Variants in CAMTA1 observed in about 807,000 individuals in gnomAD.
CAMTA1 encodes calmodulin-binding transcription activator 1.
CAMTA1 carries 27 observed loss-of-function variants against 170.9 expected under a neutral mutation model. The observed-to-expected ratio is 0.16, with a 90% CI of 0.12 to 0.22. CAMTA1 has a LOEUF of 0.22. Among genes scored for constraint, CAMTA1 ranks in the 10% least tolerant of loss-of-function variants. The pLI, the probability that CAMTA1 is intolerant of heterozygous loss-of-function variation, is 1.00. For missense variants in CAMTA1, 1,619 were observed against 2,217.2 expected (o/e 0.73, Z 5.42); for synonymous variants, 833 against 891.5 (o/e 0.93, Z 1.17).
At chr1:6,860,317 T>C (rs1664191810) in intron 3 of CAMTA1, among the ~76,000 whole-genome samples, 1 of 152,230 alleles carries the variant, frequency 6.6e-6, no homozygotes, top group Non-Finnish European at 1.5e-5. Flanking sequence ...AGATGTTTAA[T>C]ATAGCTGAAC....
intron 5 of CAMTA1, among the ~76,000 whole-genome samples, chr1:7,393,054 T>TAAAAAAAAAAAAAAAAA (rs34475514): frequency 6.9e-6 from 1 of 144,968 alleles, no homozygotes; most frequent in Non-Finnish European, 1.5e-5. Context: ...CTATATCTCT[T>TAAAAAAAAAAAAAAAAA]AAAAAAAAAA....
At chr1:7,734,598 G>A (rs1226720502) in intron 12 of CAMTA1, among the ~76,000 whole-genome samples, 1 of 152,082 alleles carries the variant, frequency 6.6e-6, no homozygotes, top group Non-Finnish European at 1.5e-5. Flanking sequence ...GCTCATGAAT[G>A]TGTCTTGTGT....
At chr1:7,579,574 T>G (rs1182946682) in intron 6 of CAMTA1, among the ~76,000 whole-genome samples, 2 of 135,042 alleles carry the variant, frequency 1.5e-5, no homozygotes, top group Middle Eastern at 3.5e-3. Flanking sequence ...TTTTTTTTTT[T>G]TTTGAGATAG....
chr1:7,748,386 C>CA lies in CAMTA1; in HGVS notation c.4689+614dup, dbSNP rs1052954119. Among the ~76,000 whole-genome samples, 40 of 150,206 alleles carry CA rather than the reference C, an allele frequency of 2.7e-4. No individual in the cohort carries two copies. The highest frequency in any genetic ancestry group is 7.8e-4 in the African/African-American group (32 of 40,884). ...TTGATGTCCAGCTTGGACCTCGTCT[C>CA]AAAAAAAAACCAGAGGAAAACAAAA... On this transcript the variant is annotated intron_variant, in intron 19 of 22. Coordinates refer to ENST00000303635, the MANE Select transcript of CAMTA1 (RefSeq NM_015215.4). This position sits in a 1 kb window ranked among gnomAD's most constrained non-coding sequence, Gnocchi z 4.7.
chr1:7,324,498 C>A (rs1051992306), intron 5 of CAMTA1, among the ~76,000 whole-genome samples: 2 of 152,116 alleles, frequency 1.3e-5, no homozygotes, highest in African/African-American at 2.4e-5. Context: ...ATAGCACTTT[C>A]CATTTGTTGT....
At chr1:7,200,797 T>A (rs1297979993) in intron 4 of CAMTA1, among the ~76,000 whole-genome samples, 1 of 152,220 alleles carries the variant, frequency 6.6e-6, no homozygotes, top group Non-Finnish European at 1.5e-5. Flanking sequence ...GTACTGTTTA[T>A]TTTTTCTAAT....
rs144671892 is a variant in CAMTA1, at chr1:7,419,843, C to T, written c.439-47987C>T. Among the ~76,000 whole-genome samples, 202 of 152,196 alleles carry T rather than the reference C, an allele frequency of 1.3e-3. 1 individual carries two copies. Among genetic ancestry groups the T allele is most frequent in the African/African-American group, 4.6e-3 (192 of 41,508 alleles). On this transcript the variant is annotated intron_variant, in intron 5 of 22. Coordinates refer to ENST00000303635, the MANE Select transcript of CAMTA1 (RefSeq NM_015215.4). ...CCATGGCCCACCCCATTCTTCCTCT[C>T]CACCCCCCACCCATCAGGAGATCCT...
At chr1:7,176,729 T>C (rs1650917006) in intron 4 of CAMTA1, among the ~76,000 whole-genome samples, 1 of 152,152 alleles carries the variant, frequency 6.6e-6, no homozygotes, top group Admixed American at 6.5e-5. Flanking sequence ...ATAGATGAAT[T>C]GGGAGGCAGT....
intron 5 of CAMTA1, among the ~76,000 whole-genome samples, chr1:7,295,844 C>T (rs937085815): frequency 1.3e-5 from 2 of 152,154 alleles, no homozygotes; most frequent in African/African-American, 2.4e-5. Flanking sequence ...AACAAATTAT[C>T]CCCAAACATA....
chr1:7,244,210 A>G (rs1431241831), intron 4 of CAMTA1, among the ~76,000 whole-genome samples: 17 of 152,232 alleles, frequency 1.1e-4, no homozygotes, highest in Non-Finnish European at 2.5e-4. Context: ...CACACCAGTT[A>G]GAATGGCGAT....
intron 4 of CAMTA1, among the ~76,000 whole-genome samples, chr1:7,245,753 A>G (rs938751009): frequency 1.3e-5 from 2 of 152,136 alleles, no homozygotes; most frequent in Non-Finnish European, 2.9e-5. Context: ...GTCTCACACC[A>G]TCAGCCTTCG....
chr1:7,493,491 A>G (rs555054648), intron 6 of CAMTA1, among the ~76,000 whole-genome samples: 2 of 152,270 alleles, frequency 1.3e-5, no homozygotes, highest in African/African-American at 4.8e-5. Flanking sequence ...GCGTGCACAC[A>G]CATAACCATA....
chr1:7,498,849 T>A (rs1365117491), intron 6 of CAMTA1, among the ~76,000 whole-genome samples: 1 of 146,412 alleles, frequency 6.8e-6, no homozygotes, highest in Non-Finnish European at 1.5e-5. Context: ...TGCGTGTGTA[T>A]GTATGAGTGT....
At chr1:6,916,910 G>A (rs937978014) in intron 3 of CAMTA1, among the ~76,000 whole-genome samples, 3 of 152,210 alleles carry the variant, frequency 2.0e-5, no homozygotes, top group Non-Finnish European at 4.4e-5. Flanking sequence ...CTGTAGGGAG[G>A]CGGAGGCCTG....
intron 3 of CAMTA1, among the ~76,000 whole-genome samples, chr1:6,870,094 A>G (rs1667955393): frequency 6.6e-6 from 1 of 152,154 alleles, no homozygotes; most frequent in Admixed American, 6.5e-5. Flanking sequence ...AATGCAAAAT[A>G]TTTTTGGGAA....
rs201500847 is a variant in CAMTA1, at chr1:6,997,656, C to CTTTTTTTTTTTTTTTTTT, written c.235-93645_235-93644insTTTTTTTTTTTTTTTTTT. 3.1e-5 allele frequency among the ~76,000 whole-genome samples: 4 copies of CTTTTTTTTTTTTTTTTTT among 128,412 alleles called. 1 individual carries two copies. Among genetic ancestry groups the CTTTTTTTTTTTTTTTTTT allele is most frequent in the Non-Finnish European group, 4.8e-5 (3 of 62,652 alleles). 84.2% of individuals were successfully genotyped at this position (128,412 alleles called of 152,430 possible). ...CTGTTTTCCATATTTCCTTTCTTTT[C>CTTTTTTTTTTTTTTTTTT]TTTCTTTTTTTTTTTTTTTTTGAGA... On this transcript the variant is annotated intron_variant, in intron 3 of 22. Transcript: ENST00000303635.
chr1:6,824,161 T>G (rs187049160), intron 2 of CAMTA1, among the ~76,000 whole-genome samples: 75 of 152,300 alleles, frequency 4.9e-4, no homozygotes, highest in African/African-American at 1.8e-3. Flanking sequence ...CCTAGTTATG[T>G]GTACCCTTTG....
chr1:6,961,035 GA>G (rs1444047095), intron 3 of CAMTA1, among the ~76,000 whole-genome samples: 2 of 152,190 alleles, frequency 1.3e-5, no homozygotes. Flanking sequence ...AGCCTGGAGT[GA>G]AAACATCTGC....
At chr1:7,392,543 C>A (rs867057201) in intron 5 of CAMTA1, among the ~76,000 whole-genome samples, 1 of 151,260 alleles carries the variant, frequency 6.6e-6, no homozygotes, top group Non-Finnish European at 1.5e-5. Context: ...GCATGAGCCA[C>A]GGCACCCGGC....
Sources: gnomAD v4.1 joint callset for allele counts (sites outside exome capture counted in the v4.1 genomes callset) on GRCh38, gnomAD v4.1.1 for gene constraint, Gnocchi (gnomAD v3.1) non-coding constraint, MANE v1.5 for transcripts, NCBI Gene and HGNC (gene_info 2026-07-23, HGNC 2026-07-21) for gene names.